Variants in CFAP47 observed in about 807,000 individuals in gnomAD.
CFAP47 encodes the protein cilia and flagella associated protein 47, also known as cilia- and flagella-associated protein 47.
CFAP47 carries 29 observed loss-of-function variants against 148.1 expected under a neutral mutation model. The ratio of observed to expected loss-of-function variants is 0.20; its 90% CI spans 0.15 to 0.27. The LOEUF is 0.27. Among genes scored for constraint, CFAP47 ranks in the 10% least tolerant of loss-of-function variants. CFAP47 has a pLI of 1.00. For missense variants in CFAP47, 1,872 were observed against 1,697.5 expected (o/e 1.10, Z -1.81); for synonymous variants, 664 against 577.3 (o/e 1.15, Z -2.15).
intron 39 of CFAP47, among the ~76,000 whole-genome samples, chrX:36,168,109 T>C (rs868717146): frequency 8.9e-6 from 1 of 111,793 alleles, no homozygotes; most frequent in African/African-American, 3.3e-5. Flanking sequence ...AACCCAAAGT[T>C]TGTCTCTTTT....
intron 22 of CFAP47, among the ~76,000 whole-genome samples, chrX:36,024,005 C>T (rs1488058823): frequency 8.9e-6 from 1 of 112,177 alleles, no homozygotes; most frequent in East Asian, 2.8e-4. Context: ...TTACTTTTCC[C>T]TCTGCTTTTC....
chrX:36,042,223 C>T lies in CFAP47; in HGVS notation c.4007+3044C>T, dbSNP rs776841721. Among the ~76,000 whole-genome samples the T allele has an allele frequency of 2.8e-3, 317 of 111,468 alleles. 1 individual carries two copies. The highest frequency in any genetic ancestry group is 9.5e-3 in the African/African-American group (293 of 30,784). ...TTGAAACTGGAATATACATGAATTA[C>T]CTTTTAACAAGAGAAAAGTCAACAA... is the stretch of plus-strand genomic sequence containing the variant. On this transcript the variant is annotated intron_variant, in intron 25 of 63. Coordinates refer to ENST00000378653, the MANE Select transcript of CFAP47 (RefSeq NM_001304548.2).
chrX:36,090,786 A>G (rs1938170163), intron 30 of CFAP47, among the ~76,000 whole-genome samples: 1 of 109,298 alleles, frequency 9.1e-6, no homozygotes, highest in East Asian at 2.9e-4. Context: ...ATAATACAAT[A>G]GGTAAGAACT....
chrX:35,934,202 A>G (rs2146623275), intron 2 of CFAP47, among the ~76,000 whole-genome samples: 1 of 111,134 alleles, frequency 9.0e-6, no homozygotes, highest in Admixed American at 9.6e-5. Context: ...ATCCAGGAAC[A>G]AGGGACTGGG....
At chrX:36,041,414 C>T (rs1174726895) in intron 25 of CFAP47, among the ~76,000 whole-genome samples, 1 of 111,424 alleles carries the variant, frequency 9.0e-6, no homozygotes. Context: ...TAAAAATATA[C>T]TGGGAATAAG....
chrX:36,236,152 T>G, intron 47 of CFAP47, 75 bp downstream of exon 47: 1 of 364,365 alleles, frequency 2.7e-6, no homozygotes, highest in East Asian at 4.4e-5. Flanking sequence ...ATGACATTAG[T>G]CTTTTAATTG....
At chrX:36,371,746 G>A (rs12392132) in intron 62 of CFAP47, among the ~76,000 whole-genome samples, 631 of 52,154 alleles carry the variant, frequency 0.012, 11 homozygotes, top group Non-Finnish European at 0.017. Context: ...ATATATGTGT[G>A]TATATACACA....
chrX:35,963,375 A>G (rs181695827), intron 8 of CFAP47, among the ~76,000 whole-genome samples: 1 of 111,240 alleles, frequency 9.0e-6, no homozygotes, highest in South Asian at 3.7e-4. Context: ...AATACTATAT[A>G]TTTACTATAT....
At chrX:35,944,192 A>G (rs1275708182) in intron 3 of CFAP47, among the ~76,000 whole-genome samples, 1 of 111,407 alleles carries the variant, frequency 9.0e-6, no homozygotes, top group Non-Finnish European at 1.9e-5. Flanking sequence ...GTCAAACTGT[A>G]CCAAACCCAG....
intron 37 of CFAP47, among the ~76,000 whole-genome samples, chrX:36,158,816 T>C (rs1238129591): frequency 1.8e-5 from 2 of 111,603 alleles, no homozygotes; most frequent in Non-Finnish European, 3.8e-5. Flanking sequence ...TGTGGACTCA[T>C]GCAAGGTTGC....
rs1387186560 is a variant in CFAP47, at chrX:36,262,356, T to A, written c.7444+10912T>A. ...GTTGTACCAATTAACCATTCCTACC[T>A]CCCACCAACCCCCCACTACCCTTCC... On this transcript the variant is annotated intron_variant, in intron 49 of 63. Transcript: ENST00000378653. Among the ~76,000 whole-genome samples, 4 of 111,349 alleles carry A rather than the reference T, an allele frequency of 3.6e-5. No individual in the cohort carries two copies. In the East Asian group the frequency reaches 1.1e-3, roughly 32 times the overall value.
chrX:36,061,748 A>T (rs1428477634), intron 26 of CFAP47, among the ~76,000 whole-genome samples: 1 of 112,187 alleles, frequency 8.9e-6, no homozygotes, highest in East Asian at 2.8e-4. Context: ...AAATATAGTC[A>T]TCTGAATTTA....
At chrX:35,960,380 G>GGAA (rs1227681980) in intron 8 of CFAP47, among the ~76,000 whole-genome samples, 4 of 15,489 alleles carry the variant, frequency 2.6e-4, no homozygotes, top group Admixed American at 1.1e-3. Flanking sequence ...GCTAATTTCT[G>GGAA]AAAAAAAAAA....
At chrX:36,353,819 T>A in intron 60 of CFAP47, 138 bp downstream of exon 60, 1 of 442,696 alleles carries the variant, frequency 2.3e-6, no homozygotes, top group Non-Finnish European at 3.7e-6. Context: ...CACATAGTGC[T>A]TAAGGAGTGT....
intron 29 of CFAP47, among the ~76,000 whole-genome samples, chrX:36,080,006 G>A (rs1050355660): frequency 9.0e-6 from 1 of 111,377 alleles, no homozygotes; most frequent in African/African-American, 3.3e-5. Context: ...TACAGAATGG[G>A]AGAAAATTTT....
chrX:36,057,283 T>C (rs1937562318), intron 26 of CFAP47, among the ~76,000 whole-genome samples: 1 of 111,966 alleles, frequency 8.9e-6, no homozygotes, highest in African/African-American at 3.2e-5. Flanking sequence ...AAGAGACCAA[T>C]GAATAAGCTA....
At chrX:36,267,080 G>T (rs1940901877) in intron 49 of CFAP47, among the ~76,000 whole-genome samples, 1 of 112,082 alleles carries the variant, frequency 8.9e-6, no homozygotes, top group Non-Finnish European at 1.9e-5. Context: ...GACATTGAAA[G>T]AAACTTATTG....
chrX:36,079,492 T>C (rs1178554455), intron 29 of CFAP47, among the ~76,000 whole-genome samples: 2 of 111,700 alleles, frequency 1.8e-5, no homozygotes, highest in African/African-American at 6.5e-5. Flanking sequence ...TGTGCATGCA[T>C]CACGTAGTTC....
intron 42 of CFAP47, among the ~76,000 whole-genome samples, chrX:36,195,534 T>C (rs1377520094): frequency 8.9e-6 from 1 of 112,077 alleles, no homozygotes; most frequent in Non-Finnish European, 1.9e-5. Flanking sequence ...ATTTCATCTT[T>C]GTTTTAGAAA....
Sources: allele counts gnomAD v4.1 joint callset (sites outside exome capture counted in the v4.1 genomes callset), GRCh38; gene constraint gnomAD v4.1.1; transcripts MANE v1.5; gene names NCBI Gene and HGNC (gene_info 2026-07-23, HGNC 2026-07-21).